Variants in GLYR1 observed in about 807,000 individuals in gnomAD.
GLYR1 encodes the protein glyoxylate reductase 1 homolog.
In GLYR1, 21 loss-of-function variants were observed where a neutral mutation model predicts 72.7. The observed-to-expected ratio is 0.29, with a 90% confidence interval of 0.20 to 0.42. The LOEUF is 0.42. Ranked by LOEUF, GLYR1 falls within the 10% of genes least tolerant of loss-of-function variation. The pLI is 1.00. For synonymous variants in GLYR1, 392 were observed against 270.2 expected (o/e 1.45, Z -4.42); for missense variants, 594 against 712.1 (o/e 0.83, Z 1.89).
intron 14 of GLYR1, 40 bp from the exon 15 acceptor site, chr16:4,811,334 C>A (rs1217745665): frequency 1.2e-6 from 2 of 1,610,532 alleles, no homozygotes; most frequent in African/African-American, 1.3e-5. Context: ...AGCCAAGGAC[C>A]TGAAACTAAA....
intron 3 of GLYR1, among the ~76,000 whole-genome samples, chr16:4,840,913 AG>A (rs1183046530): frequency 6.6e-6 from 1 of 152,230 alleles, no homozygotes; most frequent in Non-Finnish European, 1.5e-5. Flanking sequence ...CTGATCACTA[AG>A]GAAGTGTTCC....
chr16:4,814,436 C>T, intron 11 of GLYR1, 101 bp downstream of exon 11: 1 of 864,128 alleles, frequency 1.2e-6, no homozygotes, highest in Non-Finnish European at 2.0e-6. Flanking sequence ...CAGCCCCCCA[C>T]ATGTGGACAC....
At chr16:4,821,323 T>G in intron 9 of GLYR1, 57 bp downstream of exon 9, 6 of 1,584,732 alleles carry the variant, frequency 3.8e-6, no homozygotes, top group Non-Finnish European at 5.2e-6. Flanking sequence ...GGGGTCACCT[T>G]CTCCCCACCC....
At chr16:4,808,076 A>G (rs1036430452) in intron 15 of GLYR1, among the ~76,000 whole-genome samples, 3 of 152,066 alleles carry the variant, frequency 2.0e-5, no homozygotes, top group African/African-American at 7.2e-5. Flanking sequence ...TCTCTACTAC[A>G]AATACAAAAA....
At chr16:4,817,378 C>A (rs963999398) in intron 10 of GLYR1, among the ~76,000 whole-genome samples, 6 of 152,244 alleles carry the variant, frequency 3.9e-5, no homozygotes, top group Non-Finnish European at 7.4e-5. Flanking sequence ...CTCAGCCTCC[C>A]AAAGTGCTGG....
rs1353382318 is a variant in GLYR1 at position 4,823,710 on chromosome 16, T to C, written c.624+111A>G. The C allele has an allele frequency of 6.2e-6, 5 of 807,726 alleles. No individual in the cohort carries two copies. The African/African-American group carries it at 6.3e-5, about 10-fold the overall frequency. The allele number at this position is 807,726 out of a possible 1,614,324, so 50.0% of individuals were successfully genotyped here. A position where few individuals can be genotyped will look rare whatever the true frequency, so the allele number is the denominator to read the frequency against. On this transcript the variant is annotated intron_variant, in intron 6 of 15. Transcript: ENST00000321919. ...CATAGACTTCTGTACTGTTTTGTAA[T>C]AATAAATTAAGCCTCACACACAAGA...
intron 3 of GLYR1, among the ~76,000 whole-genome samples, chr16:4,838,743 C>A (rs1324192589): frequency 6.6e-6 from 1 of 152,002 alleles, no homozygotes; most frequent in African/African-American, 2.4e-5. Flanking sequence ...CCCGCCACCA[C>A]GCCCAGCTAA....
intron 15 of GLYR1, among the ~76,000 whole-genome samples, chr16:4,810,364 G>A (rs1444582514): frequency 6.6e-6 from 1 of 151,764 alleles, no homozygotes; most frequent in Admixed American, 6.6e-5. Flanking sequence ...GGGCGGGTTG[G>A]GGCACGCCTG....
chr16:4,827,769 G>A (rs1484974207), intron 5 of GLYR1, among the ~76,000 whole-genome samples: 3 of 151,838 alleles, frequency 2.0e-5, no homozygotes, highest in East Asian at 2.0e-4. Context: ...GCGTGGTGGC[G>A]GGCACCTGTA....
intron 3 of GLYR1, among the ~76,000 whole-genome samples, chr16:4,837,306 G>A (rs910638660): frequency 5.9e-5 from 9 of 151,980 alleles, no homozygotes; most frequent in African/African-American, 1.5e-4. Flanking sequence ...GGTAGCACAC[G>A]TCTGTAATCC....
At chr16:4,833,061 A>G in intron 3 of GLYR1, 149 bp from the exon 4 acceptor site, 1 of 610,562 alleles carries the variant, frequency 1.6e-6, no homozygotes, top group Non-Finnish European at 2.7e-6. Context: ...CATGCTATCA[A>G]CCATCTCAGA....
Position 4,811,761 on chromosome 16 carries a change from T to A in GLYR1, c.1324A>T (p.Met442Leu). The change falls in exon 14 of 16, where the codon ATG becomes TTG. Residue 442 changes from methionine (M) to leucine (L), a missense_variant. Transcript: ENST00000321919. Reference protein sequence around the residue: ...NAAKMMLIVNMVQGSFMATIA... With the variant: ...NAAKMMLIVNLVQGSFMATIA... ...GTGGCCATGAAGCTCCCTTGGACCA[T>A]GTTCACGATCAGCATCATCTTGGCT... The A allele has an allele frequency of 6.2e-7, 1 of 1,614,012 alleles. No individual in the cohort carries two copies. The highest frequency in any genetic ancestry group is 8.5e-7 in the Non-Finnish European group (1 of 1,179,956).
intron 9 of GLYR1, among the ~76,000 whole-genome samples, chr16:4,818,278 C>A (rs1357784944): frequency 6.6e-6 from 1 of 152,188 alleles, no homozygotes. Flanking sequence ...CAGGCGTGAG[C>A]CACCATGCCC....
At chr16:4,811,323 A>G (rs1448625683) in intron 14 of GLYR1, 29 bp from the exon 15 acceptor site, 1 of 1,612,232 alleles carries the variant, frequency 6.2e-7, no homozygotes. Flanking sequence ...TATCAGACAA[A>G]AGCCAAGGAC....
At chr16:4,806,965 C>T (rs188616656) in intron 15 of GLYR1, among the ~76,000 whole-genome samples, 1,729 of 151,892 alleles carry the variant, frequency 0.011, 40 homozygotes, top group African/African-American at 0.039. Context: ...CGCCACCACG[C>T]CTGGCTAATT....
At chr16:4,805,344 C>G (rs752190126) in intron 15 of GLYR1, 34 bp from the exon 16 acceptor site, 2 of 1,583,008 alleles carry the variant, frequency 1.3e-6, no homozygotes, top group South Asian at 2.3e-5. Context: ...GTCTCTGGCC[C>G]CAGAGCTGCC....
chr16:4,832,371 T>C (rs752511710), intron 4 of GLYR1, 150 bp from the exon 5 acceptor site: 22 of 928,256 alleles, frequency 2.4e-5, no homozygotes, highest in Middle Eastern at 2.5e-4. Flanking sequence ...GTCCCAGACA[T>C]TGGGAGAAGC....
intron 3 of GLYR1, among the ~76,000 whole-genome samples, chr16:4,841,355 T>C (rs2085532029): frequency 1.4e-5 from 2 of 142,972 alleles, no homozygotes; most frequent in Admixed American, 1.5e-4. Context: ...GCGCTGTGGC[T>C]CATGCCCATA....
intron 3 of GLYR1, among the ~76,000 whole-genome samples, chr16:4,841,029 T>C (rs924370955): frequency 2.6e-5 from 4 of 152,254 alleles, no homozygotes; most frequent in Admixed American, 1.3e-4. Flanking sequence ...ACTTCATTTT[T>C]ATAGTTTAAA....
Sources: gnomAD v4.1 joint callset for allele counts (sites outside exome capture counted in the v4.1 genomes callset) on GRCh38, gnomAD v4.1.1 for gene constraint, MANE v1.5 for transcripts, NCBI Gene and HGNC (gene_info 2026-07-23, HGNC 2026-07-21) for gene names.